Variants in NKAIN1 observed in about 807,000 individuals in gnomAD.
The protein encoded by NKAIN1 is sodium/potassium transporting ATPase interacting 1.
In NKAIN1, 13 loss-of-function variants were observed where a neutral mutation model predicts 31.6. The ratio of observed to expected loss-of-function variants is 0.41; its 90% CI spans 0.27 to 0.65. NKAIN1 has a LOEUF of 0.65. Ranked by LOEUF, NKAIN1 falls within the 30% of genes least tolerant of loss-of-function variation. NKAIN1 has a pLI of 0.30. For missense variants in NKAIN1, 193 were observed against 262.2 expected, an observed-to-expected ratio of 0.74 and a Z score of 1.82; for synonymous variants, 104 against 109.0, an observed-to-expected ratio of 0.95 and a Z score of 0.28.
chr1:31,233,830 C>T lies in NKAIN1; in HGVS notation c.54+5664G>A, dbSNP rs961878801. 1.3e-5 allele frequency among the ~76,000 whole-genome samples: 2 copies of T among 152,170 alleles called. No individual in the cohort carries two copies. The highest frequency in any genetic ancestry group is 2.1e-4 in the South Asian group (1 of 4,832). On this transcript the variant is annotated intron_variant, in intron 1 of 6. Coordinates refer to ENST00000373736, the MANE Select transcript of NKAIN1 (RefSeq NM_024522.3). This position sits in a 1 kb window ranked among gnomAD's most constrained non-coding sequence, Gnocchi z 4.0. ...TTCCCCAAACTGCCATGGGCTCGTT[C>T]GTGGGGTAGAAGCTGTTTTTCTGAC...
At position 31,239,515 on chromosome 1, in the gene NKAIN1, G is replaced by A; in HGVS notation, c.33C>T (p.Val11=). 3 of 1,400,330 alleles carry A rather than the reference G, an allele frequency of 2.1e-6. No individual in the cohort carries two copies. The highest frequency in any genetic ancestry group is 2.8e-6 in the Non-Finnish European group (3 of 1,081,332). 86.7% of individuals were successfully genotyped at this position (1,400,330 alleles called of 1,614,324 possible). Residue 11 remains valine (V), a synonymous_variant, in exon 1 of 7, where the codon GTC becomes GTT. Coordinates refer to ENST00000373736, the MANE Select transcript of NKAIN1 (RefSeq NM_024522.3). The surrounding 1 kb of genome is among the most constrained non-coding windows in gnomAD (Gnocchi z 4.8). MGKCSGRCTL[V]AFCCLQLVAA... ...TTACCAGCTGCAGGCAGCAGAAGGC[G>A]ACCAGCGTGCAGCGCCCGCTGCACT...
intron 1 of NKAIN1, among the ~76,000 whole-genome samples, chr1:31,219,427 CCTGACAGTGGGCTTGGGG>C (rs1190979563): frequency 6.6e-6 from 1 of 152,240 alleles, no homozygotes; most frequent in African/African-American, 2.4e-5. Context: ...CCCGGCACGC[CCTGACAGTGGGCTTGGGG>C]CTGACTGGAT....
At position 31,181,927 on chromosome 1, in the gene NKAIN1, C is replaced by T. The variant is rs747059158; in HGVS notation, c.547G>A (p.Gly183Ser). ...GCCTGGTATCCGTAGGAGTCAAAGC[C>T]GCCGATGAAGTCAACTGCGGAAGAG... ...EEEDSFDFIGGFDSYGYQAPQ... is the reference protein window; with the variant it reads ...EEEDSFDFIGSFDSYGYQAPQ... The change falls in exon 6 of 7, where the codon GGC becomes AGC. Residue 183 changes from glycine (G) to serine (S), a missense_variant. By Grantham distance (56) the Gly-to-Ser change is moderately conservative. Transcript: ENST00000373736. 3 of 1,607,670 alleles carry T rather than the reference C, an allele frequency of 1.9e-6. No individual in the cohort carries two copies. The highest frequency in any genetic ancestry group is 2.5e-6 in the Non-Finnish European group (3 of 1,177,750).
At chr1:31,234,255 C>G (rs1180166913) in intron 1 of NKAIN1, among the ~76,000 whole-genome samples, 1 of 152,200 alleles carries the variant, frequency 6.6e-6, no homozygotes, top group Non-Finnish European at 1.5e-5. Context: ...CCAAGGACCT[C>G]AAGCACCCGA....
chr1:31,231,313 C>A (rs910553350), intron 1 of NKAIN1, among the ~76,000 whole-genome samples: 4 of 150,934 alleles, frequency 2.7e-5, no homozygotes, highest in East Asian at 3.9e-4. Flanking sequence ...CCTTTCCCAG[C>A]CTCTGGTAAT....
chr1:31,193,059 ATTTATTTT>A (rs915646591), intron 1 of NKAIN1, among the ~76,000 whole-genome samples: 64 of 104,464 alleles, frequency 6.1e-4, no homozygotes, highest in African/African-American at 1.5e-3. Flanking sequence ...TTATTTTATT[ATTTATTTT>A]TTTATTTTTT....
chr1:31,224,363 G>A (rs1282458491), intron 1 of NKAIN1, among the ~76,000 whole-genome samples: 1 of 152,196 alleles, frequency 6.6e-6, no homozygotes, highest in South Asian at 2.1e-4. Context: ...GCCAGTGTCC[G>A]CCCCACAAAT....
intron 1 of NKAIN1, among the ~76,000 whole-genome samples, chr1:31,200,058 C>T (rs1158454202): frequency 1.2e-4 from 18 of 152,012 alleles, no homozygotes; most frequent in Admixed American, 1.2e-3. Flanking sequence ...TGCACACACG[C>T]ACGCGCACGC....
chr1:31,224,453 C>T (rs937149657), intron 1 of NKAIN1, among the ~76,000 whole-genome samples: 14 of 152,156 alleles, frequency 9.2e-5, no homozygotes, highest in Admixed American at 4.6e-4. Context: ...ATCAAGCCAT[C>T]CTAAATCGAA....
chr1:31,213,824 G>A (rs966874600), intron 1 of NKAIN1, among the ~76,000 whole-genome samples: 1 of 151,670 alleles, frequency 6.6e-6, no homozygotes, highest in African/African-American at 2.4e-5. Context: ...GGGAGATCCT[G>A]TCTCCACAAA....
chr1:31,184,047 G>A (rs765185144), intron 3 of NKAIN1, 33 bp from the exon 4 acceptor site: 2 of 1,581,280 alleles, frequency 1.3e-6, no homozygotes, highest in Non-Finnish European at 1.7e-6. Flanking sequence ...TACTGAGTGT[G>A]AGGGAGAGGG....
At chr1:31,184,189 A>G (rs867309852) in intron 3 of NKAIN1, among the ~76,000 whole-genome samples, 175 bp from the exon 4 acceptor site, 2 of 152,150 alleles carry the variant, frequency 1.3e-5, no homozygotes, top group Non-Finnish European at 2.9e-5. Flanking sequence ...CTCTTTTGTC[A>G]CTGAGATGGG....
At chr1:31,182,629 TG>T in intron 4 of NKAIN1, 39 bp from the exon 5 acceptor site, 5 of 1,608,774 alleles carry the variant, frequency 3.1e-6, no homozygotes, top group Non-Finnish European at 4.3e-6. Flanking sequence ...GAAGGAGGAG[TG>T]GGAACCTCTT....
At position 31,229,621 on chromosome 1, in the gene NKAIN1, C is replaced by CCAGA. The variant is rs558574432; in HGVS notation, c.54+9869_54+9872dup. 2.7e-3 allele frequency among the ~76,000 whole-genome samples: 408 copies of CCAGA among 151,992 alleles called. 3 individuals carry two copies. Among genetic ancestry groups the CCAGA allele is most frequent in the Middle Eastern group, 0.01 (3 of 294 alleles). ...AGTGCAATGGCGTGATCTCAGCTCA[C>CCAGA]CAGACAGACAGACAGACAGACAGGA... On this transcript the variant is annotated intron_variant, in intron 1 of 6. Coordinates refer to ENST00000373736, the MANE Select transcript of NKAIN1 (RefSeq NM_024522.3).
rs1334094237 is a variant in NKAIN1, at chr1:31,232,396, C to CACATAT, written c.54+7097_54+7098insATATGT. Among the ~76,000 whole-genome samples, 63 of 6,398 alleles carry CACATAT rather than the reference C, an allele frequency of 9.8e-3. 5 individuals carry two copies. The highest frequency in any genetic ancestry group is 0.023 in the Admixed American group (7 of 302). 4.2% of individuals were successfully genotyped at this position (6,398 alleles called of 152,430 possible). A position where few individuals can be genotyped will look rare whatever the true frequency, so the allele number is the denominator to read the frequency against. ...ATGAGCCACCGTGTCTGGCCTACTT[C>CACATAT]ATATATATATATATATATATATATA... On this transcript the variant is annotated intron_variant, in intron 1 of 6. Transcript: ENST00000373736.
At chr1:31,202,969 C>A (rs547673762) in intron 1 of NKAIN1, among the ~76,000 whole-genome samples, 1 of 97,208 alleles carries the variant, frequency 1.0e-5, no homozygotes, top group East Asian at 2.9e-4. Context: ...GAGCGAGATT[C>A]CGTCTTAAAA....
At chr1:31,202,635 C>T (rs1309259602) in intron 1 of NKAIN1, among the ~76,000 whole-genome samples, 2 of 146,932 alleles carry the variant, frequency 1.4e-5, no homozygotes, top group Admixed American at 1.4e-4. Context: ...TGAGATTGTG[C>T]CACCGCACTC....
chr1:31,221,901 CAG>C (rs1175763943), intron 1 of NKAIN1, among the ~76,000 whole-genome samples: 2 of 151,536 alleles, frequency 1.3e-5, no homozygotes, highest in African/African-American at 4.8e-5. Context: ...TTTTTTGAGA[CAG>C]AGTCTCACTC....
At chr1:31,213,391 C>A (rs1005794472) in intron 1 of NKAIN1, among the ~76,000 whole-genome samples, 14 of 151,800 alleles carry the variant, frequency 9.2e-5, no homozygotes, top group African/African-American at 3.4e-4. Flanking sequence ...ATACTTCACA[C>A]CCACTAGGGT....
Sources: allele counts gnomAD v4.1 joint callset (sites outside exome capture counted in the v4.1 genomes callset), GRCh38; gene constraint gnomAD v4.1.1; non-coding constraint Gnocchi (gnomAD v3.1); transcripts MANE v1.5; gene names NCBI Gene and HGNC (gene_info 2026-07-23, HGNC 2026-07-21).